Variants in HNRNPUL2 observed in about 807,000 individuals in gnomAD.
HNRNPUL2 encodes heterogeneous nuclear ribonucleoprotein U like 2.
HNRNPUL2 carries 27 observed loss-of-function variants against 102.2 expected under a neutral mutation model. The observed-to-expected ratio is 0.26, with a 90% CI of 0.19 to 0.36. The LOEUF (loss-of-function observed/expected upper bound fraction) is 0.36, where lower values mean the gene tolerates loss of function less well. Among genes scored for constraint, HNRNPUL2 ranks in the 10% least tolerant of loss-of-function variants. The pLI, the probability that HNRNPUL2 is intolerant of heterozygous loss-of-function variation, is 1.00. For synonymous variants in HNRNPUL2, 458 were observed against 387.2 expected, an observed-to-expected ratio of 1.18 and a Z score of -2.15; for missense variants, 936 against 981.1, an observed-to-expected ratio of 0.95 and a Z score of 0.61.
intron 10 of HNRNPUL2, 43 bp from the exon 11 acceptor site, chr11:62,717,232 A>G (rs2083667549): frequency 2.1e-6 from 3 of 1,450,202 alleles, no homozygotes; most frequent in Non-Finnish European, 9.6e-7. Context: ...AAAAGTGCAT[A>G]GATGGGTAAG....
chr11:62,713,002 A>G lies in HNRNPUL2; in HGVS notation c.*2297T>C, dbSNP rs1005426507. The G allele has an allele frequency of 2.0e-5, 3 of 152,240 alleles. No individual in the cohort carries two copies. Among genetic ancestry groups the G allele is most frequent in the African/African-American group, 7.2e-5 (3 of 41,462 alleles). The allele number at this position is 152,240 out of a possible 1,614,324, so 9.4% of individuals were successfully genotyped here. A position where few individuals can be genotyped will look rare whatever the true frequency, so the allele number is the denominator to read the frequency against. Reference sequence around the variant, plus strand: ...TTTCATAATAAAAAGACAGAAACAAAACCCGGACATCTACTGTTGTTGCAA... The same window carrying G: ...TTTCATAATAAAAAGACAGAAACAAGACCCGGACATCTACTGTTGTTGCAA... On this transcript the variant is annotated 3_prime_UTR_variant, in exon 14 of 14. Transcript: ENST00000301785.
In HNRNPUL2 at chr11:62,722,348, G is replaced by A. The variant is rs759302238; in HGVS notation, c.1128C>T (p.Phe376=). 5.0e-6 allele frequency: 8 copies of A among 1,613,900 alleles called. No homozygotes were observed. In the African/African-American group the frequency reaches 6.7e-5, roughly 13 times the overall value. ...NFETEEVELS[F]SKNGEDLGVA... ...CACCTAGGTCTTCTCCATTCTTGGA[G>A]AAGGAAAGTTCTACTTCTTCAGTCT... The change falls in exon 7 of 14, where the codon TTC becomes TTT. Residue 376 remains phenylalanine, a synonymous_variant. Coordinates refer to ENST00000301785, the MANE Select transcript of HNRNPUL2 (RefSeq NM_001079559.3).
intron 4 of HNRNPUL2, 67 bp downstream of exon 4, chr11:62,723,520 C>G (rs2083720065): frequency 6.9e-7 from 1 of 1,445,278 alleles, no homozygotes; most frequent in East Asian, 2.5e-5. Context: ...ATCTTCTTTT[C>G]CCCCTCTAAG....
chr11:62,724,569 T>C, intron 1 of HNRNPUL2, 143 bp from the exon 2 acceptor site: 2 of 912,058 alleles, frequency 2.2e-6, no homozygotes, highest in Non-Finnish European at 3.3e-6. Context: ...CATAACATTT[T>C]ATTTCTAAAG....
At position 62,726,729 on chromosome 11, in the gene HNRNPUL2, C is replaced by T; in HGVS notation, c.428G>A (p.Gly143Asp). The change falls in exon 1 of 14, where the codon GGT (glycine) becomes GAT (aspartate). Residue 143 changes from glycine to aspartate, a missense_variant. By Grantham distance (94) the Gly-to-Asp change is moderately conservative (BLOSUM62 -1). Coordinates refer to ENST00000301785, the MANE Select transcript of HNRNPUL2 (RefSeq NM_001079559.3). ...EATAGSGGVN[G>D]GEEQGLGKRE... ...CTTGCCGAGGCCCTGCTCTTCGCCA[C>T]CATTTACCCCGCCTGACCCGGCCGT... The T allele has an allele frequency of 6.2e-7, 1 of 1,601,168 alleles. No individual in the cohort carries two copies. The highest frequency in any genetic ancestry group is 1.7e-5 in the Admixed American group (1 of 60,016).
chr11:62,722,036 A>G lies in HNRNPUL2; in HGVS notation c.1359+81T>C, dbSNP rs887319226. The G allele has an allele frequency of 3.1e-6, 5 of 1,602,326 alleles. No homozygotes were observed. The African/African-American group carries it at 6.7e-5, about 21-fold the overall frequency. ...GAACATCCTCCCATTCCTGTTTGGTAACGCTCTGAGACCCTGGAGAGCATA... is the reference window on the plus strand; with the variant it reads ...GAACATCCTCCCATTCCTGTTTGGTGACGCTCTGAGACCCTGGAGAGCATA... On this transcript the variant is annotated intron_variant, in intron 7 of 13. Transcript: ENST00000301785.
Position 62,715,332 on chromosome 11 carries a change from G to A in HNRNPUL2, c.2211C>T (p.Tyr737=), listed in dbSNP as rs1023418989. Residue 737 remains tyrosine (Y), a synonymous_variant, in exon 14 of 14, where the codon TAC becomes TAT. Coordinates refer to ENST00000301785, the MANE Select transcript of HNRNPUL2 (RefSeq NM_001079559.3). ...ACCCTTGGTACCCGTAGTAATTCCT[G>A]TAGTATCGGTCTCTGTCCTGGGGGT... is the stretch of plus-strand genomic sequence containing the variant. ...YHHPQDRDRY[Y]RNYYGYQGYR 2 of 1,613,316 alleles carry A rather than the reference G, an allele frequency of 1.2e-6. No homozygotes were observed. Among genetic ancestry groups the A allele is most frequent in the South Asian group, 1.1e-5 (1 of 91,010 alleles).
At chr11:62,719,014 G>C (rs2083681035) in intron 10 of HNRNPUL2, among the ~76,000 whole-genome samples, 1 of 151,936 alleles carries the variant, frequency 6.6e-6, no homozygotes, top group Non-Finnish European at 1.5e-5. Context: ...TTTTAGTAGA[G>C]ACAGGGTTTC....
Position 62,721,662 on chromosome 11 carries a change from G to GA in HNRNPUL2, c.1482+157dup, listed in dbSNP as rs961473007. Among the ~76,000 whole-genome samples, 25 of 149,394 alleles carry GA rather than the reference G, an allele frequency of 1.7e-4. No individual in the cohort carries two copies. In the East Asian group the frequency reaches 2.3e-3, roughly 14 times the overall value. On this transcript the variant is annotated intron_variant, in intron 8 of 13. Transcript: ENST00000301785. Reference sequence around the variant, plus strand: ...TTCAGAAATTTGACAACACAGCAAAGAAAAAAAAAATCAATCCACCTAAAA... The same window carrying GA: ...TTCAGAAATTTGACAACACAGCAAAGAAAAAAAAAAATCAATCCACCTAAAA...
In HNRNPUL2 at chr11:62,717,042, C is replaced by T. The variant is rs1197074026; in HGVS notation, c.1928G>A (p.Arg643Gln). The change falls in exon 11 of 14, where the codon CGA becomes CAA. Residue 643 changes from arginine (R) to glutamine (Q), a missense_variant. This residue lies in a region of HNRNPUL2 where 609 missense variants were observed against 713.0 expected (regional missense o/e 0.85). Coordinates refer to ENST00000301785, the MANE Select transcript of HNRNPUL2 (RefSeq NM_001079559.3). The stretch of plus-strand genomic sequence containing the variant: ...CCGGTTACGCTTGTTTCGGTTGTTT[C>T]GGCGATTTGTCCGCTTCTCGGAGGG... The part of the protein sequence containing the change: ...LPPSEKRTNR[R>Q]NNRNKRNRQN... The T allele has an allele frequency of 1.9e-6, 3 of 1,613,844 alleles. No homozygotes were observed. Among genetic ancestry groups the T allele is most frequent in the Non-Finnish European group, 2.5e-6 (3 of 1,180,026 alleles).
intron 1 of HNRNPUL2, 85 bp downstream of exon 1, chr11:62,726,534 A>G (rs2083748853): frequency 3.0e-6 from 4 of 1,332,750 alleles, no homozygotes; most frequent in Non-Finnish European, 4.0e-6. Flanking sequence ...GAGAACAAGG[A>G]CTCGGACCCT....
chr11:62,723,547 T>C, intron 4 of HNRNPUL2, 40 bp downstream of exon 4: 2 of 1,550,146 alleles, frequency 1.3e-6, no homozygotes, highest in African/African-American at 2.8e-5. Context: ...AAGCATCCAG[T>C]AATAAATGAA....
rs760981621 is a variant in HNRNPUL2 at position 62,727,186 on chromosome 11, GCCT to G, written c.-33_-31del. 29 of 1,402,360 alleles carry G rather than the reference GCCT, an allele frequency of 2.1e-5. No individual in the cohort carries two copies. The South Asian group carries it at 3.7e-4, about 18-fold the overall frequency. 86.9% of individuals were successfully genotyped at this position (1,402,360 alleles called of 1,614,324 possible). ...GCCGCCGCCTCCTCCGCCTCCCGCC[GCCT>G]CCTCCCCTGCGAACCGTCGACCGAG... On this transcript the variant is annotated 5_prime_UTR_variant, in exon 1 of 14. Coordinates refer to ENST00000301785, the MANE Select transcript of HNRNPUL2 (RefSeq NM_001079559.3).
chr11:62,723,515 C>A (rs889481528), intron 4 of HNRNPUL2, 72 bp downstream of exon 4: 7 of 1,435,530 alleles, frequency 4.9e-6, no homozygotes, highest in Non-Finnish European at 5.6e-6. Flanking sequence ...TAATAATCTT[C>A]TTTTCCCCCT....
chr11:62,722,569 T>C (rs1289491257), intron 6 of HNRNPUL2, 32 bp downstream of exon 6: 1 of 1,565,966 alleles, frequency 6.4e-7, no homozygotes. Flanking sequence ...ATCCGCTCCT[T>C]GTTATAACCC....
At position 62,712,797 on chromosome 11, in the gene HNRNPUL2, A is replaced by C. The variant is rs913427420; in HGVS notation, c.*2502T>G. On this transcript the variant is annotated 3_prime_UTR_variant, in exon 14 of 14. Coordinates refer to ENST00000301785, the MANE Select transcript of HNRNPUL2 (RefSeq NM_001079559.3). ...AAACCCCTTTTTACTGGCCACTTCC[A>C]AGAATGCTTTACAGGTTGTGCAAAA... 6.6e-6 allele frequency: 1 copy of C among 152,300 alleles called. No individual in the cohort carries two copies. The highest frequency in any genetic ancestry group is 2.1e-4 in the South Asian group (1 of 4,820). The allele number at this position is 152,300 out of a possible 1,614,324, so 9.4% of individuals were successfully genotyped here.
chr11:62,727,000 G>GCCCGGC lies in HNRNPUL2; in HGVS notation c.151_156dup (p.Ala51_Gly52dup). ...GGCTCCGCCTTGCAGGCCCCGCCGGGCCCGGCCCCGCCGCCGCCGGCCTCG... is the reference window on the plus strand; with the variant it reads ...GGCTCCGCCTTGCAGGCCCCGCCGGGCCCGGCCCCGGCCCCGCCGCCGCCGGCCTCG... On this transcript the variant is annotated inframe_insertion, in exon 1 of 14. Transcript: ENST00000301785. The GCCCGGC allele has an allele frequency of 1.5e-6, 2 of 1,357,570 alleles. No homozygotes were observed. The highest frequency in any genetic ancestry group is 1.9e-6 in the Non-Finnish European group (2 of 1,057,350). The allele number at this position is 1,357,570 out of a possible 1,614,324, so 84.1% of individuals were successfully genotyped here. A position where few individuals can be genotyped will look rare whatever the true frequency, so the allele number is the denominator to read the frequency against.
chr11:62,727,232 C>A lies in HNRNPUL2; in HGVS notation c.-76G>T, dbSNP rs1161725163. ...CGACCGAGTCCGACCGCGCAGGCGCCGCCGCCGCCGCCCGCCTCCGCCTCA... is the reference window on the plus strand; with the variant it reads ...CGACCGAGTCCGACCGCGCAGGCGCAGCCGCCGCCGCCCGCCTCCGCCTCA... On this transcript the variant is annotated 5_prime_UTR_variant, in exon 1 of 14. Transcript: ENST00000301785. 2 of 1,305,038 alleles carry A rather than the reference C, an allele frequency of 1.5e-6. No homozygotes were observed. The highest frequency in any genetic ancestry group is 4.3e-5 in the Admixed American group (1 of 23,258). 80.8% of individuals were successfully genotyped at this position (1,305,038 alleles called of 1,614,324 possible).
intron 1 of HNRNPUL2, among the ~76,000 whole-genome samples, chr11:62,725,133 G>A (rs1333554637): frequency 6.6e-6 from 1 of 152,214 alleles, no homozygotes; most frequent in African/African-American, 2.4e-5. Context: ...TTTTCCCTAG[G>A]CTTCTGTATT....
Sources: allele counts gnomAD v4.1 joint callset (sites outside exome capture counted in the v4.1 genomes callset), GRCh38; gene constraint gnomAD v4.1.1; regional missense constraint gnomAD v4.1.1; transcripts MANE v1.5; gene names NCBI Gene and HGNC (gene_info 2026-07-23, HGNC 2026-07-21).